Variants in CLEC16A observed in about 807,000 individuals in gnomAD.
CLEC16A encodes the protein protein CLEC16A.
Under a neutral mutation model 109.5 loss-of-function variants are expected in CLEC16A, and 51 were observed. The ratio of observed to expected loss-of-function variants is 0.47; its 90% CI spans 0.37 to 0.59. CLEC16A has a LOEUF of 0.59. CLEC16A is among the 20% of genes least tolerant of loss of function. The probability of loss-of-function intolerance (pLI) is 0.00; values close to 1 mark genes in which losing one functional copy is unlikely to be tolerated. For synonymous variants in CLEC16A, 673 were observed against 564.2 expected (o/e 1.19, Z -2.73); for missense variants, 1,339 against 1,394.0 (o/e 0.96, Z 0.63).
intron 22 of CLEC16A, among the ~76,000 whole-genome samples, chr16:11,147,577 G>A (rs74009927): frequency 0.015 from 2,306 of 152,254 alleles, 46 homozygotes; most frequent in African/African-American, 0.052. Context: ...CTTAGGTAGG[G>A]GATGAAAATG....
At chr16:11,040,092 C>A (rs533590013) in intron 14 of CLEC16A, 3 of 506,002 alleles carry the variant, frequency 5.9e-6, no homozygotes, top group Non-Finnish European at 1.0e-5. Flanking sequence ...CATCCCATCC[C>A]CTGCCACTTG....
chr16:11,162,427 C>CT (rs922907510), intron 22 of CLEC16A, among the ~76,000 whole-genome samples: 10 of 152,040 alleles, frequency 6.6e-5, no homozygotes, highest in East Asian at 1.9e-4. Context: ...ATCATCCTCC[C>CT]TTTTTTTTCT....
intron 4 of CLEC16A, among the ~76,000 whole-genome samples, chr16:10,970,264 G>A (rs1261549913): frequency 6.6e-6 from 1 of 152,170 alleles, no homozygotes; most frequent in Non-Finnish European, 1.5e-5. Flanking sequence ...CAAAATGCCT[G>A]ATGAGATCAC....
At chr16:11,013,793 G>A (rs189001715) in intron 11 of CLEC16A, among the ~76,000 whole-genome samples, 1 of 151,874 alleles carries the variant, frequency 6.6e-6, no homozygotes, top group South Asian at 2.1e-4. Context: ...ACAAAAATGA[G>A]CCGGGCATGG....
chr16:11,064,014 G>A (rs1274351062), intron 19 of CLEC16A, among the ~76,000 whole-genome samples: 1 of 150,618 alleles, frequency 6.6e-6, no homozygotes, highest in African/African-American at 2.4e-5. Flanking sequence ...AAGAGGGGAG[G>A]AACTAGATAA....
intron 11 of CLEC16A, among the ~76,000 whole-genome samples, chr16:11,006,690 G>A (rs2045038472): frequency 6.6e-6 from 1 of 152,168 alleles, no homozygotes; most frequent in Non-Finnish European, 1.5e-5. Context: ...TTTGGATATG[G>A]CATTAGTGTG....
chr16:11,030,889 C>A (rs916386579), intron 13 of CLEC16A, among the ~76,000 whole-genome samples: 1 of 152,244 alleles, frequency 6.6e-6, no homozygotes, highest in African/African-American at 2.4e-5. Context: ...AAGTGATACA[C>A]CCGCCTCAGC....
At chr16:10,957,348 G>A (rs2042038008) in intron 1 of CLEC16A, among the ~76,000 whole-genome samples, 1 of 152,232 alleles carries the variant, frequency 6.6e-6, no homozygotes, top group Non-Finnish European at 1.5e-5. Context: ...CCCCGTGTTA[G>A]GCATCCAGCC....
rs532809561 is a variant in CLEC16A at position 11,114,548 on chromosome 16, C to T, written c.2117-6067C>T. Among the ~76,000 whole-genome samples the T allele has an allele frequency of 6.6e-5, 10 of 152,318 alleles. No homozygotes were observed. In the East Asian group the frequency reaches 1.7e-3, roughly 26 times the overall value. ...TACCTTAGCACTCAGCATACTCCTG[C>T]TGGCTCCCAAATGCATGCATGAAGC... is the stretch of plus-strand genomic sequence containing the variant. On this transcript the variant is annotated intron_variant, in intron 19 of 23. Coordinates refer to ENST00000409790, the MANE Select transcript of CLEC16A (RefSeq NM_015226.3).
chr16:10,957,082 C>T (rs964940200), intron 1 of CLEC16A, among the ~76,000 whole-genome samples: 1 of 152,218 alleles, frequency 6.6e-6, no homozygotes, highest in African/African-American at 2.4e-5. Context: ...CAGGCATGAG[C>T]CACCGCTCCC....
intron 19 of CLEC16A, among the ~76,000 whole-genome samples, chr16:11,077,565 G>A (rs976239690): frequency 1.3e-5 from 2 of 152,060 alleles, no homozygotes; most frequent in Non-Finnish European, 2.9e-5. Flanking sequence ...GTTGAGGCGG[G>A]AGGATCACTT....
At chr16:11,075,982 G>A (rs541915219) in intron 19 of CLEC16A, among the ~76,000 whole-genome samples, 1 of 152,250 alleles carries the variant, frequency 6.6e-6, no homozygotes, top group East Asian at 1.9e-4. Context: ...TCATCCCTGT[G>A]ACCAAGCTCT....
chr16:11,160,321 C>G (rs905780289), intron 22 of CLEC16A, among the ~76,000 whole-genome samples: 21 of 152,170 alleles, frequency 1.4e-4, no homozygotes, highest in African/African-American at 5.1e-4. Flanking sequence ...ACCCTTTAGT[C>G]TCTCTCGGGC....
intron 19 of CLEC16A, among the ~76,000 whole-genome samples, chr16:11,111,138 C>T (rs918382728): frequency 2.6e-5 from 4 of 151,996 alleles, no homozygotes; most frequent in African/African-American, 7.2e-5. Flanking sequence ...TTTAGATGTG[C>T]CTGGATGTAG....
chr16:11,146,158 A>G (rs2054047565), intron 22 of CLEC16A, among the ~76,000 whole-genome samples: 1 of 152,068 alleles, frequency 6.6e-6, no homozygotes, highest in Non-Finnish European at 1.5e-5. Context: ...GTCTTGCCAG[A>G]TATTCTATAT....
At chr16:11,018,507 T>C (rs939811772) in intron 11 of CLEC16A, among the ~76,000 whole-genome samples, 1 of 151,814 alleles carries the variant, frequency 6.6e-6, no homozygotes. Context: ...CCCAGCACTT[T>C]GGGAGGCCGA....
intron 19 of CLEC16A, among the ~76,000 whole-genome samples, chr16:11,093,729 G>C (rs569603493): frequency 3.9e-5 from 6 of 152,326 alleles, no homozygotes; most frequent in African/African-American, 1.4e-4. Flanking sequence ...TAGAAGGCGA[G>C]CCAGGATATG....
At chr16:11,023,570 C>T (rs1173491754) in intron 12 of CLEC16A, among the ~76,000 whole-genome samples, 2 of 151,274 alleles carry the variant, frequency 1.3e-5, no homozygotes, top group East Asian at 3.9e-4. Flanking sequence ...TTTTGTGTGT[C>T]ACGTGTGTGT....
At position 11,178,891 on chromosome 16, in the gene CLEC16A, G is replaced by T. The variant is rs41366; in HGVS notation, c.*201G>T. ...CCTTTTTCACTTTGCATCTCTTCAC[G>T]TGCAGGCTGGGACCAGCGGAGACAC... On this transcript the variant is annotated 3_prime_UTR_variant, in exon 24 of 24. Coordinates refer to ENST00000409790, the MANE Select transcript of CLEC16A (RefSeq NM_015226.3). This position sits in a 1 kb window ranked among gnomAD's most constrained non-coding sequence, Gnocchi z 6.5. The T allele has an allele frequency of 1.5e-5, 8 of 535,702 alleles. No homozygotes were observed. Among genetic ancestry groups the T allele is most frequent in the African/African-American group, 5.8e-5 (3 of 52,104 alleles). 33.2% of individuals were successfully genotyped at this position (535,702 alleles called of 1,614,324 possible).
Sources: gnomAD v4.1 joint callset for allele counts (sites outside exome capture counted in the v4.1 genomes callset) on GRCh38, gnomAD v4.1.1 for gene constraint, Gnocchi (gnomAD v3.1) non-coding constraint, MANE v1.5 for transcripts, NCBI Gene and HGNC (gene_info 2026-07-23, HGNC 2026-07-21) for gene names.